The following DUSP19 variants were observed in gnomAD, a reference collection of about 807,000 sequenced individuals.
DUSP19 encodes dual specificity protein phosphatase 19.
DUSP19 carries 14 observed loss-of-function variants against 16.6 expected under a neutral mutation model. That is an observed-to-expected ratio of 0.84 (90% confidence interval 0.56 to 1.32). The LOEUF is 1.32. Among genes scored for constraint, DUSP19 ranks in the 40% most tolerant of loss-of-function variants. The pLI, the probability that DUSP19 is intolerant of heterozygous loss-of-function variation, is 0.00. For synonymous variants in DUSP19, 81 were observed against 90.5 expected (o/e 0.90, Z 0.59); for missense variants, 258 against 255.9 (o/e 1.01, Z -0.06).
Position 183,089,818 on chromosome 2 carries a change from A to T in DUSP19, c.426+2626A>T, listed in dbSNP as rs1699709611. The stretch of plus-strand genomic sequence containing the variant: ...CCTCAGCCAATATTTCCCTGCCCTG[A>T]AAACTCAGTGCCATGACACAATCTC... On this transcript the variant is annotated intron_variant, in intron 3 of 3. Transcript: ENST00000354221. Among the ~76,000 whole-genome samples the T allele has an allele frequency of 2.0e-5, 3 of 152,246 alleles. No homozygotes were observed. In the South Asian group the frequency reaches 6.2e-4, roughly 31 times the overall value.
chr2:183,095,754 T>C lies in DUSP19; in HGVS notation c.*96T>C. ...TGGAGAGTAGACTAGCAAAACTCCC[T>C]TTTTTCTCTTGCCTTTTTTATGCAT... On this transcript the variant is annotated 3_prime_UTR_variant, in exon 4 of 4. Transcript: ENST00000354221. 1 of 904,236 alleles carries C rather than the reference T, an allele frequency of 1.1e-6. No homozygotes were observed. Among genetic ancestry groups the C allele is most frequent in the South Asian group, 2.1e-5 (1 of 48,308 alleles). 56.0% of individuals were successfully genotyped at this position (904,236 alleles called of 1,614,324 possible).
At chr2:183,091,138 C>G (rs1056848290) in intron 3 of DUSP19, among the ~76,000 whole-genome samples, 6 of 152,124 alleles carry the variant, frequency 3.9e-5, no homozygotes, top group African/African-American at 1.4e-4. Context: ...TATCTTATTT[C>G]CTGCTATGAG....
Position 183,095,682 on chromosome 2 carries a change from C to A in DUSP19, c.*24C>A. On this transcript the variant is annotated 3_prime_UTR_variant, in exon 4 of 4. Transcript: ENST00000354221. ...GAGTTGCATTGTAGCAGACAATGGACAACTGTAGTTTCTGAATTGACTTCT... is the reference window on the plus strand; with the variant it reads ...GAGTTGCATTGTAGCAGACAATGGAAAACTGTAGTTTCTGAATTGACTTCT... 1 of 1,549,112 alleles carries A rather than the reference C, an allele frequency of 6.5e-7. No individual in the cohort carries two copies. The highest frequency in any genetic ancestry group is 8.9e-7 in the Non-Finnish European group (1 of 1,128,546).
chr2:183,084,984 C>T (rs1242423157), intron 2 of DUSP19, among the ~76,000 whole-genome samples: 2 of 152,042 alleles, frequency 1.3e-5, no homozygotes, highest in Non-Finnish European at 2.9e-5. Flanking sequence ...TCTTTGGTAA[C>T]TAAGTAAAGT....
chr2:183,081,428 G>C (rs936796662), intron 1 of DUSP19, among the ~76,000 whole-genome samples: 1 of 151,996 alleles, frequency 6.6e-6, no homozygotes, highest in South Asian at 2.1e-4. Flanking sequence ...TGTACTTTTT[G>C]TAGAGATGCG....
intron 1 of DUSP19, among the ~76,000 whole-genome samples, chr2:183,080,955 G>A (rs1025867658): frequency 5.9e-5 from 9 of 152,140 alleles, no homozygotes; most frequent in Non-Finnish European, 8.8e-5. Context: ...CTTAGTTTAC[G>A]TCTGGGAGAC....
At chr2:183,085,195 T>C (rs992753677) in intron 2 of DUSP19, among the ~76,000 whole-genome samples, 23 of 152,124 alleles carry the variant, frequency 1.5e-4, no homozygotes, top group African/African-American at 3.6e-4. Context: ...ACCATTAGAA[T>C]AGATGAAGCT....
intron 3 of DUSP19, 126 bp from the exon 4 acceptor site, chr2:183,095,291 TAATCAAATAAATTG>T (rs1699783110): frequency 4.1e-6 from 3 of 734,072 alleles, no homozygotes; most frequent in Non-Finnish European, 6.3e-6. Flanking sequence ...TTTATTTCAA[TAATCAAATAAATTG>T]AATCAAATAA....
chr2:183,091,593 A>G (rs1699732846), intron 3 of DUSP19, among the ~76,000 whole-genome samples: 1 of 152,212 alleles, frequency 6.6e-6, no homozygotes, highest in South Asian at 2.1e-4. Context: ...TACAAAGGTC[A>G]CGCTCCTGTG....
chr2:183,078,984 G>A lies in DUSP19; in HGVS notation c.51G>A (p.Arg17=), dbSNP rs1272920675. ...EIKAFSRNNL[R]KQCTRVTTLT... is the part of the protein sequence containing the mutation. ...AAGCATTCTCCCGGAATAATCTCAG[G>A]AAGCAATGCACCAGGGTGACAACGC... Residue 17 remains arginine (R), a synonymous_variant, in exon 1 of 4, where the codon AGG becomes AGA. Coordinates refer to ENST00000354221, the MANE Select transcript of DUSP19 (RefSeq NM_080876.4). 7 of 1,614,112 alleles carry A rather than the reference G, an allele frequency of 4.3e-6. No individual in the cohort carries two copies. In the South Asian group the frequency reaches 7.7e-5, roughly 18 times the overall value.
intron 3 of DUSP19, among the ~76,000 whole-genome samples, chr2:183,091,639 G>C (rs1264250485): frequency 2.0e-5 from 3 of 152,234 alleles, no homozygotes; most frequent in African/African-American, 7.2e-5. Context: ...CAACCAGTGA[G>C]AGGCTAGGGT....
chr2:183,078,885 C>G lies in DUSP19; in HGVS notation c.-49C>G. 1 of 1,574,022 alleles carries G rather than the reference C, an allele frequency of 6.4e-7. No homozygotes were observed. The highest frequency in any genetic ancestry group is 8.7e-7 in the Non-Finnish European group (1 of 1,150,656). On this transcript the variant is annotated 5_prime_UTR_variant, in exon 1 of 4. Transcript: ENST00000354221. ...AAGGGACTAGCAGTTCAGCCGTTTTCTATGCCTGCTGGATTTGTTTGTATT... is the reference window on the plus strand; with the variant it reads ...AAGGGACTAGCAGTTCAGCCGTTTTGTATGCCTGCTGGATTTGTTTGTATT...
intron 1 of DUSP19, among the ~76,000 whole-genome samples, chr2:183,082,374 A>AT: frequency 7.1e-6 from 1 of 141,790 alleles, no homozygotes; most frequent in South Asian, 2.2e-4. Flanking sequence ...GGATGATGGT[A>AT]TTTTGTAACC....
In DUSP19 at chr2:183,078,971, G is replaced by T; in HGVS notation, c.38G>T (p.Arg13Leu). Residue 13 changes from arginine to leucine, a missense_variant, in exon 1 of 4, where the codon CGG (arginine) becomes CTG (leucine). Transcript: ENST00000354221. ...AACCAGGAAATTAAAGCATTCTCCC[G>T]GAATAATCTCAGGAAGCAATGCACC... ...SLNQEIKAFS[R>L]NNLRKQCTRV... 1.9e-6 allele frequency: 3 copies of T among 1,614,060 alleles called. No individual in the cohort carries two copies. The highest frequency in any genetic ancestry group is 2.5e-6 in the Non-Finnish European group (3 of 1,179,998).
rs912185498 is a variant in DUSP19 at position 183,098,486 on chromosome 2, TATG to T, written c.*2831_*2833del. 1 of 152,240 alleles carries T rather than the reference TATG, an allele frequency of 6.6e-6. No individual in the cohort carries two copies. Among genetic ancestry groups the T allele is most frequent in the African/African-American group, 2.4e-5 (1 of 41,466 alleles). 9.4% of individuals were successfully genotyped at this position (152,240 alleles called of 1,614,324 possible). ...CCTAGTTATTTTAAAAAAAGAACTT[TATG>T]ATTACGGTCCTCTTTCTCACATACT... On this transcript the variant is annotated 3_prime_UTR_variant, in exon 4 of 4. Coordinates refer to ENST00000354221, the MANE Select transcript of DUSP19 (RefSeq NM_080876.4).
chr2:183,085,225 G>GT (rs1699644329), intron 2 of DUSP19, among the ~76,000 whole-genome samples: 1 of 152,176 alleles, frequency 6.6e-6, no homozygotes, highest in Admixed American at 6.5e-5. Flanking sequence ...AAAGTGTAAA[G>GT]TAAGAGAGAA....
intron 1 of DUSP19, among the ~76,000 whole-genome samples, chr2:183,082,025 G>A (rs560965214): frequency 6.6e-6 from 1 of 152,302 alleles, no homozygotes; most frequent in South Asian, 2.1e-4. Flanking sequence ...CAGTTTCCAA[G>A]TGTGGGAGAT....
intron 3 of DUSP19, among the ~76,000 whole-genome samples, chr2:183,092,097 T>G (rs1357242086): frequency 6.6e-6 from 1 of 152,142 alleles, no homozygotes; most frequent in African/African-American, 2.4e-5. Context: ...CTTTGAGAGA[T>G]TTTGGCTACT....
intron 2 of DUSP19, among the ~76,000 whole-genome samples, chr2:183,084,672 G>T (rs1030504541): frequency 5.3e-5 from 8 of 152,180 alleles, no homozygotes; most frequent in African/African-American, 1.9e-4. Flanking sequence ...GAAAGCCACT[G>T]AGAAGTTACC....
Sources: allele counts gnomAD v4.1 joint callset (sites outside exome capture counted in the v4.1 genomes callset), GRCh38; gene constraint gnomAD v4.1.1; transcripts MANE v1.5; gene names NCBI Gene and HGNC (gene_info 2026-07-23, HGNC 2026-07-21).